Variants in PALM2AKAP2 observed in about 807,000 individuals in gnomAD.
PALM2AKAP2 encodes PALM2-AKAP2 fusion protein.
Under a neutral mutation model 71.5 loss-of-function variants are expected in PALM2AKAP2, and 37 were observed. That is an observed-to-expected ratio of 0.52 (90% CI 0.40 to 0.68). PALM2AKAP2 has a LOEUF of 0.68. PALM2AKAP2 is among the 30% of genes least tolerant of loss of function. The probability of loss-of-function intolerance (pLI) is 0.00; values close to 1 mark genes in which losing one functional copy is unlikely to be tolerated. For synonymous variants in PALM2AKAP2, 468 were observed against 478.8 expected (o/e 0.98, Z 0.29); for missense variants, 1,224 against 1,191.8 (o/e 1.03, Z -0.40).
At chr9:110,091,750 C>T (rs908350954) in intron 1 of PALM2AKAP2, among the ~76,000 whole-genome samples, 1 of 152,128 alleles carries the variant, frequency 6.6e-6, no homozygotes, top group Non-Finnish European at 1.5e-5. Context: ...GTGTGAGCCA[C>T]CGCGCCCAGC....
At chr9:109,789,263 A>G (rs575107094) in intron 1 of PALM2AKAP2, among the ~76,000 whole-genome samples, 1 of 152,330 alleles carries the variant, frequency 6.6e-6, no homozygotes, top group South Asian at 2.1e-4. Context: ...GTATAGATGA[A>G]GACATCAAAT....
chr9:109,769,551 C>T (rs1245802068), intron 1 of PALM2AKAP2, among the ~76,000 whole-genome samples: 1 of 152,156 alleles, frequency 6.6e-6, no homozygotes, highest in African/African-American at 2.4e-5. Context: ...TTGGACTAAG[C>T]TCAGATTCTG....
chr9:110,045,671 G>A (rs557852031), upstream of PALM2AKAP2, among the ~76,000 whole-genome samples: 18 of 152,152 alleles, frequency 1.2e-4, no homozygotes, highest in East Asian at 5.8e-4. Context: ...GTGTTCAAGC[G>A]ATTCTCCTGC....
chr9:109,927,432 G>A (rs1830982387), intron 5 of PALM2AKAP2, among the ~76,000 whole-genome samples: 1 of 152,196 alleles, frequency 6.6e-6, no homozygotes, highest in African/African-American at 2.4e-5. Context: ...AAGAAACACA[G>A]TTAATTTCTG....
chr9:110,071,163 CAAA>C (rs768229567), intron 1 of PALM2AKAP2, among the ~76,000 whole-genome samples: 4 of 101,854 alleles, frequency 3.9e-5, no homozygotes, highest in South Asian at 7.5e-4. Context: ...GACTCTGTTT[CAAA>C]AAAAAAAAAA....
chr9:109,952,293 C>T (rs1324779059), intron 6 of PALM2AKAP2, among the ~76,000 whole-genome samples: 1 of 151,680 alleles, frequency 6.6e-6, no homozygotes, highest in African/African-American at 2.4e-5. Context: ...AGTAAGTGCT[C>T]CAAAAAAAAA....
At position 110,035,500 on chromosome 9, in the gene PALM2AKAP2, T is replaced by C. The variant is rs555954150; in HGVS notation, c.582+19461T>C. 3.5e-5 allele frequency among the ~76,000 whole-genome samples: 5 copies of C among 144,666 alleles called. No individual in the cohort carries two copies. In the East Asian group the frequency reaches 1.0e-3, roughly 29 times the overall value. 94.9% of individuals were successfully genotyped at this position (144,666 alleles called of 152,430 possible). On this transcript the variant is annotated intron_variant, in intron 7 of 9. Coordinates refer to the PALM2AKAP2 transcript ENST00000302798. ...TGTTGTGTGTTATATATAACATATA[T>C]ATGATATGTTGTGTGTTATATATAA...
chr9:109,694,601 C>A (rs982465145), intron 1 of PALM2AKAP2, among the ~76,000 whole-genome samples: 14 of 152,094 alleles, frequency 9.2e-5, no homozygotes, highest in Middle Eastern at 6.8e-3. Flanking sequence ...AAGGAATACT[C>A]AATATTATCA....
At chr9:109,978,076 A>G (rs952679485) in intron 6 of PALM2AKAP2, among the ~76,000 whole-genome samples, 1 of 152,174 alleles carries the variant, frequency 6.6e-6, no homozygotes, top group Non-Finnish European at 1.5e-5. Context: ...AAAGAGAGGA[A>G]GAGATATTTG....
chr9:110,116,488 CAA>C (rs959228823), intron 1 of PALM2AKAP2, among the ~76,000 whole-genome samples: 1 of 150,664 alleles, frequency 6.6e-6, no homozygotes, highest in East Asian at 1.9e-4. Flanking sequence ...TTAAATGGAA[CAA>C]AAAAAAATGA....
At chr9:110,067,174 A>C (rs62580254) in intron 1 of PALM2AKAP2, among the ~76,000 whole-genome samples, 296 of 152,294 alleles carry the variant, frequency 1.9e-3, no homozygotes, top group Middle Eastern at 0.01. Context: ...GTAGGATGCC[A>C]GGTTACATTC....
At chr9:109,772,843 G>T (rs1013644353) in intron 1 of PALM2AKAP2, among the ~76,000 whole-genome samples, 1 of 152,220 alleles carries the variant, frequency 6.6e-6, no homozygotes. Flanking sequence ...GTCGGGCCGG[G>T]TGTAGTGGTT....
At chr9:110,054,330 C>G (rs1302600387) in intron 1 of PALM2AKAP2, among the ~76,000 whole-genome samples, 1 of 152,054 alleles carries the variant, frequency 6.6e-6, no homozygotes, top group South Asian at 2.1e-4. Flanking sequence ...ACCCAGGAGG[C>G]AGAGGTTGCG....
In PALM2AKAP2 at chr9:110,011,012, A is replaced by ATATAT. The variant is rs59242587; in HGVS notation, c.497-4942_497-4941insTATAT. Among the ~76,000 whole-genome samples, 783 of 89,978 alleles carry ATATAT rather than the reference A, an allele frequency of 8.7e-3. 2 individuals are homozygous for ATATAT. Among genetic ancestry groups the ATATAT allele is most frequent in the South Asian group, 0.041 (122 of 2,996 alleles). 59.0% of individuals were successfully genotyped at this position (89,978 alleles called of 152,430 possible). ...ACTCTGTCTCAAAAAAAAAAAAAAA[A>ATATAT]AAATATATATATATATATATATATA... is the stretch of plus-strand genomic sequence containing the variant. On this transcript the variant is annotated intron_variant, in intron 6 of 9. Transcript: ENST00000302798.
chr9:109,739,577 G>A (rs1172478697), intron 1 of PALM2AKAP2, among the ~76,000 whole-genome samples: 1 of 152,158 alleles, frequency 6.6e-6, no homozygotes, highest in Non-Finnish European at 1.5e-5. Flanking sequence ...GATTTTCAAT[G>A]ATTATTTCTG....
At chr9:110,066,881 T>A (rs1463414845) in intron 1 of PALM2AKAP2, among the ~76,000 whole-genome samples, 1 of 152,176 alleles carries the variant, frequency 6.6e-6, no homozygotes, top group East Asian at 1.9e-4. Flanking sequence ...TTTTTGCAGG[T>A]ATTCATGATG....
chr9:110,137,009 C>A (rs1368302503), exon 2 of PALM2AKAP2: 1 of 1,614,144 alleles, frequency 6.2e-7, no homozygotes, highest in South Asian at 1.1e-5. Context: ...GGACGAGGAA[C>A]ATCTGGAGTC....
chr9:109,931,033 T>C (rs1831088466), intron 5 of PALM2AKAP2, among the ~76,000 whole-genome samples: 2 of 152,372 alleles, frequency 1.3e-5, no homozygotes, highest in Non-Finnish European at 1.5e-5. Flanking sequence ...TTTTGTGATA[T>C]GGTCGTGATG....
intron 1 of PALM2AKAP2, among the ~76,000 whole-genome samples, chr9:110,077,906 C>T (rs868631607): frequency 4.0e-5 from 6 of 151,580 alleles, no homozygotes; most frequent in Middle Eastern, 3.4e-3. Flanking sequence ...CCTAGCTACT[C>T]AGGAGGCTGA....
Sources: gnomAD v4.1 joint callset for allele counts (sites outside exome capture counted in the v4.1 genomes callset) on GRCh38, gnomAD v4.1.1 for gene constraint, MANE v1.5 for transcripts, NCBI Gene and HGNC (gene_info 2026-07-23, HGNC 2026-07-21) for gene names.